Variants in PDE7B observed in about 807,000 individuals in gnomAD.
The protein encoded by PDE7B is phosphodiesterase 7B, also known as 3',5'-cyclic-AMP phosphodiesterase 7B.
Under a neutral mutation model 56.2 loss-of-function variants are expected in PDE7B, and 29 were observed. The ratio of observed to expected loss-of-function variants is 0.52; its 90% CI spans 0.38 to 0.70. The LOEUF is 0.70. PDE7B is among the 30% of genes least tolerant of loss of function. PDE7B has a pLI of 0.00. For synonymous variants in PDE7B, 197 were observed against 196.9 expected (o/e 1.00, Z 0.00); for missense variants, 490 against 565.0 (o/e 0.87, Z 1.35).
intron 2 of PDE7B, among the ~76,000 whole-genome samples, chr6:136,088,422 G>T (rs987954970): frequency 6.6e-6 from 1 of 152,182 alleles, no homozygotes; most frequent in Non-Finnish European, 1.5e-5. Context: ...TGTAAGTGAT[G>T]CACTAAGCTG....
intron 9 of PDE7B, 136 bp from the exon 10 acceptor site, chr6:136,178,861 G>C: frequency 3.3e-6 from 3 of 898,160 alleles, no homozygotes; most frequent in Non-Finnish European, 3.6e-6. Flanking sequence ...GGCAGTGAAG[G>C]ACTGGCACAT....
chr6:135,922,957 CCAGAGCCGTCCACTT>C (rs1323660883), intron 1 of PDE7B, among the ~76,000 whole-genome samples: 26 of 152,070 alleles, frequency 1.7e-4, no homozygotes, highest in African/African-American at 6.0e-4. Context: ...TTCTGATTTC[CCAGAGCCGTCCACTT>C]CAGGATGTTT....
At chr6:135,895,139 A>G (rs1162352247) in intron 1 of PDE7B, among the ~76,000 whole-genome samples, 3 of 152,156 alleles carry the variant, frequency 2.0e-5, no homozygotes, top group Non-Finnish European at 2.9e-5. Context: ...ATAAAAAAAA[A>G]AGGAGTTAGA....
At chr6:136,166,150 A>G (rs1365490913) in intron 8 of PDE7B, among the ~76,000 whole-genome samples, 1 of 152,118 alleles carries the variant, frequency 6.6e-6, no homozygotes, top group African/African-American at 2.4e-5. Flanking sequence ...CTCAAACTCC[A>G]CATGTCCCAC....
intron 1 of PDE7B, among the ~76,000 whole-genome samples, chr6:135,941,927 G>A (rs969562737): frequency 1.3e-5 from 2 of 152,134 alleles, no homozygotes; most frequent in East Asian, 3.8e-4. Context: ...TCAAGTTATA[G>A]TAACTACTCA....
intron 2 of PDE7B, among the ~76,000 whole-genome samples, chr6:135,994,287 G>T (rs907328061): frequency 1.3e-5 from 2 of 151,996 alleles, no homozygotes; most frequent in Non-Finnish European, 2.9e-5. Flanking sequence ...TAAAGTGGAT[G>T]AGTTATTTTA....
Position 135,964,195 on chromosome 6 carries a change from G to C in PDE7B, c.82+16671G>C, listed in dbSNP as rs115058042. On this transcript the variant is annotated intron_variant, in intron 2 of 12. Coordinates refer to ENST00000308191, the MANE Select transcript of PDE7B (RefSeq NM_018945.4). ...CTCGGCTCATTGCGACCTCCGCCAC[G>C]AGGGTTCAAGTGAGTCTCCTGCCTC... Among the ~76,000 whole-genome samples, 238 of 151,740 alleles carry C rather than the reference G, an allele frequency of 1.6e-3. 1 individual carries two copies. In the East Asian group the frequency reaches 0.028, roughly 18 times the overall value.
At chr6:135,958,193 C>T (rs1774833495) in intron 2 of PDE7B, among the ~76,000 whole-genome samples, 1 of 152,144 alleles carries the variant, frequency 6.6e-6, no homozygotes, top group African/African-American at 2.4e-5. Context: ...GATCGCGCCA[C>T]TGCACTCCAG....
intron 1 of PDE7B, among the ~76,000 whole-genome samples, chr6:135,869,887 A>T (rs1185504818): frequency 6.6e-6 from 1 of 152,200 alleles, no homozygotes; most frequent in East Asian, 1.9e-4. Flanking sequence ...GAGCAAAATG[A>T]GGTGATGGGA....
At chr6:136,185,783 AT>A (rs1048975588) in intron 11 of PDE7B, among the ~76,000 whole-genome samples, 8 of 151,912 alleles carry the variant, frequency 5.3e-5, no homozygotes, top group African/African-American at 1.9e-4. Context: ...AACAATGACA[AT>A]TTTTTATTAA....
At chr6:135,980,552 G>A (rs1363755587) in intron 2 of PDE7B, among the ~76,000 whole-genome samples, 1 of 151,924 alleles carries the variant, frequency 6.6e-6, no homozygotes, top group Non-Finnish European at 1.5e-5. Context: ...TCTGACAAAG[G>A]GCTAATATCC....
intron 2 of PDE7B, among the ~76,000 whole-genome samples, chr6:136,077,482 G>A (rs1215817809): frequency 2.6e-5 from 4 of 151,366 alleles, no homozygotes; most frequent in Non-Finnish European, 1.5e-5. Context: ...AAAGGGAAAT[G>A]TTTTGGATCA....
At chr6:135,870,568 G>T (rs1442195704) in intron 1 of PDE7B, among the ~76,000 whole-genome samples, 1 of 151,396 alleles carries the variant, frequency 6.6e-6, no homozygotes, top group Non-Finnish European at 1.5e-5. Flanking sequence ...CTAAATTTGA[G>T]AACAATTGAT....
intron 2 of PDE7B, chr6:136,094,852 A>C (rs1777447610): frequency 6.6e-6 from 1 of 152,210 alleles, no homozygotes; most frequent in Non-Finnish European, 1.5e-5. Flanking sequence ...CTACAGTCCA[A>C]AAAAGAAATT....
At chr6:136,061,679 C>A (rs1218698650) in intron 2 of PDE7B, among the ~76,000 whole-genome samples, 1 of 152,190 alleles carries the variant, frequency 6.6e-6, no homozygotes, top group Non-Finnish European at 1.5e-5. Context: ...CAAACCCATT[C>A]GTCAAGTACT....
intron 3 of PDE7B, among the ~76,000 whole-genome samples, chr6:136,120,402 C>G (rs1359655669): frequency 6.6e-6 from 1 of 152,008 alleles, no homozygotes; most frequent in East Asian, 1.9e-4. Context: ...GACATTGAAG[C>G]AAGCTGAAAT....
chr6:136,074,325 T>C (rs1250228612), intron 2 of PDE7B, among the ~76,000 whole-genome samples: 1 of 152,074 alleles, frequency 6.6e-6, no homozygotes, highest in Non-Finnish European at 1.5e-5. Flanking sequence ...AGGGTATATA[T>C]TTATGGGTAC....
rs1306181319 is a variant in PDE7B at position 136,048,119 on chromosome 6, G to GATAGATAGATAGATAA, written c.83-60610_83-60609insAGATAGATAGATAAAT. On this transcript the variant is annotated intron_variant, in intron 2 of 12. Transcript: ENST00000308191. ...AGACAGACAGACAGACAGATAGATA[G>GATAGATAGATAGATAA]ATGTGATATATAATATACTAAATGT... 3.4e-3 allele frequency among the ~76,000 whole-genome samples: 516 copies of GATAGATAGATAGATAA among 152,222 alleles called. 2 individuals carry two copies. The highest frequency in any genetic ancestry group is 0.012 in the African/African-American group (485 of 41,558).
chr6:135,912,288 A>T (rs1420755862), intron 1 of PDE7B, among the ~76,000 whole-genome samples: 1 of 152,252 alleles, frequency 6.6e-6, no homozygotes, highest in Non-Finnish European at 1.5e-5. Flanking sequence ...TTAGAAAAAA[A>T]TGAAAAATAC....
Sources: allele counts gnomAD v4.1 joint callset (sites outside exome capture counted in the v4.1 genomes callset), GRCh38; gene constraint gnomAD v4.1.1; transcripts MANE v1.5; gene names NCBI Gene and HGNC (gene_info 2026-07-23, HGNC 2026-07-21).